Variants in RAC1 observed in about 807,000 individuals in gnomAD.
RAC1 encodes the protein Rac family small GTPase 1, also known as ras-related C3 botulinum toxin substrate 1.
Under a neutral mutation model 25.2 loss-of-function variants are expected in RAC1, and 2 were observed. That is an observed-to-expected ratio of 0.08 (90% CI 0.03 to 0.25). The LOEUF (loss-of-function observed/expected upper bound fraction) is 0.25. Among genes scored for constraint, RAC1 ranks in the 10% least tolerant of loss-of-function variants. The pLI is 1.00. For missense variants in RAC1, 50 were observed against 235.7 expected (o/e 0.21, Z 5.16); for synonymous variants, 88 against 94.0 (o/e 0.94, Z 0.37).
At chr7:6,393,383 T>C (rs532102012) in intron 3 of RAC1, among the ~76,000 whole-genome samples, 96 of 152,290 alleles carry the variant, frequency 6.3e-4, no homozygotes, top group African/African-American at 2.1e-3. Flanking sequence ...TTCAGCCCAC[T>C]GGACACATGT....
Position 6,376,486 on chromosome 7 carries a change from A to ATT in RAC1, c.35+1729_35+1730dup, listed in dbSNP as rs544818669. Reference sequence around the variant, plus strand: ...GGCGTAAGCCACGGCGCCCGGCCCAATTTTTTTTTTTTTTCTTTTCTTTTT... The same window carrying ATT: ...GGCGTAAGCCACGGCGCCCGGCCCAATTTTTTTTTTTTTTTTCTTTTCTTTTT... On this transcript the variant is annotated intron_variant, in intron 1 of 5. Coordinates refer to ENST00000348035, the MANE Select transcript of RAC1 (RefSeq NM_006908.5). Among the ~76,000 whole-genome samples, 406 of 122,892 alleles carry ATT rather than the reference A, an allele frequency of 3.3e-3. 13 individuals are homozygous for ATT. The highest frequency in any genetic ancestry group is 0.011 in the African/African-American group (359 of 32,382). The allele number at this position is 122,892 out of a possible 152,430, so 80.6% of individuals were successfully genotyped here. A position where few individuals can be genotyped will look rare whatever the true frequency, so the allele number is the denominator to read the frequency against.
intron 1 of RAC1, among the ~76,000 whole-genome samples, chr7:6,383,162 C>T (rs1255741335): frequency 6.6e-6 from 1 of 152,180 alleles, no homozygotes; most frequent in South Asian, 2.1e-4. Flanking sequence ...ACCAGAAATT[C>T]TCCAGCAGTA....
chr7:6,374,971 G>C (rs889170258), intron 1 of RAC1, among the ~76,000 whole-genome samples: 4 of 151,710 alleles, frequency 2.6e-5, no homozygotes, highest in African/African-American at 7.2e-5. Context: ...CCTGGTTCCG[G>C]CTCTCGATGG....
chr7:6,402,413 G>A lies in RAC1; in HGVS notation c.546G>A (p.Val182=), dbSNP rs144425992. The A allele has an allele frequency of 5.9e-5, 94 of 1,585,040 alleles. 1 individual carries two copies. Among genetic ancestry groups the A allele is most frequent in the Admixed American group, 2.1e-4 (12 of 57,830 alleles). ...GAGCAGTCCTCTGCCCGCCTCCCGTGAAGAAGAGGAAGAGAAAATGCCTGC... is the reference window on the plus strand; with the variant it reads ...GAGCAGTCCTCTGCCCGCCTCCCGTAAAGAAGAGGAAGAGAAAATGCCTGC... ...AIRAVLCPPP[V]KKRKRKCLLL is the part of the protein sequence containing the mutation. The change falls in exon 6 of 6, where the codon GTG becomes GTA. Residue 182 remains valine (V), a synonymous_variant. Coordinates refer to ENST00000348035, the MANE Select transcript of RAC1 (RefSeq NM_006908.5).
chr7:6,378,438 C>T (rs1386427262), intron 1 of RAC1, among the ~76,000 whole-genome samples: 2 of 151,920 alleles, frequency 1.3e-5, no homozygotes, highest in Non-Finnish European at 2.9e-5. Context: ...CCCAGCTACT[C>T]AGGATGCTGA....
chr7:6,392,061 T>G lies in RAC1; in HGVS notation c.225+20T>G. 3.1e-6 allele frequency: 5 copies of G among 1,614,148 alleles called. No homozygotes were observed. The highest frequency in any genetic ancestry group is 4.2e-6 in the Non-Finnish European group (5 of 1,179,990). ...CAAACAGTAAGGATTGCAGCTGACT[T>G]TTAATGTGTCTTTTAGAGTATATAA... is the stretch of plus-strand genomic sequence containing the variant. On this transcript the variant is annotated intron_variant, in intron 3 of 5. Coordinates refer to ENST00000348035, the MANE Select transcript of RAC1 (RefSeq NM_006908.5).
intron 4 of RAC1, 150 bp from the exon 5 acceptor site, chr7:6,401,718 G>A: frequency 2.9e-6 from 2 of 693,886 alleles, no homozygotes; most frequent in Non-Finnish European, 4.8e-6. Flanking sequence ...CTCAAGGCTT[G>A]AATTGAAGGT....
At chr7:6,385,501 T>C (rs1782901496) in intron 1 of RAC1, among the ~76,000 whole-genome samples, 1 of 152,338 alleles carries the variant, frequency 6.6e-6, no homozygotes, top group Non-Finnish European at 1.5e-5. Context: ...AGGCTCCTGC[T>C]CATACAGGTT....
At chr7:6,392,111 G>A (rs1371954890) in intron 3 of RAC1, 70 bp downstream of exon 3, 2 of 1,603,068 alleles carry the variant, frequency 1.2e-6, no homozygotes, top group African/African-American at 2.7e-5. Context: ...ATTAGTGCAT[G>A]TTACCTATGG....
chr7:6,381,102 A>G (rs1201613507), intron 1 of RAC1, among the ~76,000 whole-genome samples: 1 of 152,190 alleles, frequency 6.6e-6, no homozygotes, highest in Non-Finnish European at 1.5e-5. Flanking sequence ...TCCTGACCTC[A>G]GGTGATCCAC....
chr7:6,377,009 C>A (rs914799753), intron 1 of RAC1, among the ~76,000 whole-genome samples: 1 of 151,916 alleles, frequency 6.6e-6, no homozygotes, highest in Admixed American at 6.6e-5. Context: ...TAAGCACATC[C>A]CCCACCTCCC....
At chr7:6,378,501 G>C (rs937316179) in intron 1 of RAC1, among the ~76,000 whole-genome samples, 11 of 151,996 alleles carry the variant, frequency 7.2e-5, no homozygotes, top group Non-Finnish European at 1.5e-4. Flanking sequence ...AGCTGAGATT[G>C]TGTCACTGCA....
At chr7:6,387,425 A>G (rs1000178868) in intron 2 of RAC1, 142 bp downstream of exon 2, 4 of 647,568 alleles carry the variant, frequency 6.2e-6, no homozygotes, top group Non-Finnish European at 1.1e-5. Flanking sequence ...AAACCTAATT[A>G]TAAGGTATAT....
intron 1 of RAC1, among the ~76,000 whole-genome samples, chr7:6,381,679 G>T (rs549879502): frequency 6.6e-6 from 1 of 152,292 alleles, no homozygotes; most frequent in East Asian, 1.9e-4. Context: ...ACAGGCATGA[G>T]CCACCGTGCC....
At chr7:6,378,944 G>A (rs1390579052) in intron 1 of RAC1, among the ~76,000 whole-genome samples, 1 of 152,008 alleles carries the variant, frequency 6.6e-6, no homozygotes, top group Non-Finnish European at 1.5e-5. Flanking sequence ...AAAAAAATTA[G>A]CCAAGGATGG....
rs747755836 is a variant in RAC1 at position 6,400,106 on chromosome 7, CCT to C, written c.226-19_226-18del. ...TCTAAGGTTGTTGTCTAAATGTTTCCCTGTGTTTCCTTTTTGTAGGATGTGTT... is the reference window on the plus strand; with the variant it reads ...TCTAAGGTTGTTGTCTAAATGTTTCCGTGTTTCCTTTTTGTAGGATGTGTT... On this transcript the variant is annotated intron_variant, in intron 3 of 5. Coordinates refer to ENST00000348035, the MANE Select transcript of RAC1 (RefSeq NM_006908.5). 4.4e-6 allele frequency: 7 copies of C among 1,598,990 alleles called. No homozygotes were observed. The highest frequency in any genetic ancestry group is 2.2e-5 in the South Asian group (2 of 90,772).
chr7:6,402,150 A>G, intron 5 of RAC1, 123 bp downstream of exon 5: 7 of 1,442,468 alleles, frequency 4.9e-6, no homozygotes, highest in Non-Finnish European at 6.6e-6. Context: ...CTCTTGGGGA[A>G]CCAGCTGGCA....
At chr7:6,401,145 G>A (rs1253220776) in intron 4 of RAC1, among the ~76,000 whole-genome samples, 3 of 152,024 alleles carry the variant, frequency 2.0e-5, no homozygotes, top group Admixed American at 6.6e-5. Context: ...TAGTAGAGAC[G>A]GGGTTTCACC....
chr7:6,377,217 AG>A, intron 1 of RAC1, among the ~76,000 whole-genome samples: 1 of 149,960 alleles, frequency 6.7e-6, no homozygotes, highest in South Asian at 2.1e-4. Context: ...TTTTTTAATT[AG>A]TTATGAGCAT....
Sources: gnomAD v4.1 joint callset for allele counts (sites outside exome capture counted in the v4.1 genomes callset) on GRCh38, gnomAD v4.1.1 for gene constraint, MANE v1.5 for transcripts, NCBI Gene and HGNC (gene_info 2026-07-23, HGNC 2026-07-21) for gene names.